The following BMP2K variants were observed in gnomAD, a reference collection of about 807,000 sequenced individuals.
BMP2K encodes the protein BMP2 inducible kinase, also known as BMP-2-inducible protein kinase.
BMP2K carries 74 observed loss-of-function variants against 116.0 expected under a neutral mutation model. That is an observed-to-expected ratio of 0.64 (90% CI 0.53 to 0.77). The LOEUF (loss-of-function observed/expected upper bound fraction) is 0.77. Ranked by LOEUF, BMP2K falls within the 30% of genes least tolerant of loss-of-function variation. BMP2K has a pLI of 0.00. For synonymous variants in BMP2K, 486 were observed against 502.5 expected (o/e 0.97, Z 0.44); for missense variants, 1,365 against 1,403.6 (o/e 0.97, Z 0.44).
At position 78,830,725 on chromosome 4, in the gene BMP2K, C is replaced by T. The variant is rs185088464; in HGVS notation, c.298-2857C>T. The stretch of plus-strand genomic sequence containing the variant: ...CTTTCCTTAAACCTCATGAACCAAC[C>T]TCTGCTAGCTTCAAACTATTCTACT... On this transcript the variant is annotated intron_variant, in intron 2 of 15. Transcript: ENST00000502613. Among the ~76,000 whole-genome samples, 8 of 152,332 alleles carry T rather than the reference C, an allele frequency of 5.3e-5. No homozygotes were observed. The East Asian group carries it at 1.5e-3, about 29-fold the overall frequency.
At chr4:78,834,086 A>G (rs1385422160) in intron 3 of BMP2K, among the ~76,000 whole-genome samples, 3 of 151,962 alleles carry the variant, frequency 2.0e-5, no homozygotes, top group Non-Finnish European at 4.4e-5. Flanking sequence ...TGGAGGATGC[A>G]TTTTGATCTA....
chr4:78,796,778 A>G (rs548470986), intron 1 of BMP2K, among the ~76,000 whole-genome samples: 45 of 152,290 alleles, frequency 3.0e-4, no homozygotes, highest in African/African-American at 1.0e-3. Flanking sequence ...GTATTTATGA[A>G]TGGAGGAGTT....
intron 1 of BMP2K, among the ~76,000 whole-genome samples, chr4:78,825,312 G>A (rs1258311230): frequency 6.6e-6 from 1 of 152,194 alleles, no homozygotes; most frequent in East Asian, 1.9e-4. Flanking sequence ...TTCCAGAGTT[G>A]GCTGATTCAG....
chr4:78,836,959 G>C (rs944148452), intron 3 of BMP2K, among the ~76,000 whole-genome samples: 1 of 152,054 alleles, frequency 6.6e-6, no homozygotes, highest in Non-Finnish European at 1.5e-5. Context: ...GTGCCTTACT[G>C]TGTGTCATTT....
intron 1 of BMP2K, among the ~76,000 whole-genome samples, chr4:78,804,687 G>A (rs1054685651): frequency 6.7e-6 from 1 of 149,866 alleles, no homozygotes; most frequent in Non-Finnish European, 1.5e-5. Context: ...GACTGATGTT[G>A]AGCATCTTTT....
At chr4:78,839,895 G>A (rs945375372) in intron 3 of BMP2K, among the ~76,000 whole-genome samples, 2 of 152,074 alleles carry the variant, frequency 1.3e-5, no homozygotes, top group African/African-American at 2.4e-5. Context: ...TTAAGGGTGG[G>A]TCTGCCTTTC....
intron 1 of BMP2K, among the ~76,000 whole-genome samples, chr4:78,804,037 T>G (rs1418745892): frequency 6.6e-6 from 1 of 152,238 alleles, no homozygotes; most frequent in East Asian, 1.9e-4. Context: ...GTATTTACTT[T>G]GTTGTGAAAC....
intron 1 of BMP2K, among the ~76,000 whole-genome samples, chr4:78,786,046 A>G (rs560508791): frequency 6.6e-6 from 1 of 152,138 alleles, no homozygotes; most frequent in African/African-American, 2.4e-5. Context: ...CCCTACTTAT[A>G]TTACACTGAT....
chr4:78,776,594 A>C lies in BMP2K; in HGVS notation c.51A>C (p.Gly17=), dbSNP rs1309604923. 2 of 1,170,514 alleles carry C rather than the reference A, an allele frequency of 1.7e-6. No homozygotes were observed. Among genetic ancestry groups the C allele is most frequent in the Middle Eastern group, 3.4e-4 (1 of 2,966 alleles). The allele number at this position is 1,170,514 out of a possible 1,614,324, so 72.5% of individuals were successfully genotyped here. ...AGTCGGAGGGCGGCAGCGGCGGCGG[A>C]GCGGCGGGTGGCGGGGCTGGCGGGG... The part of the protein sequence containing the change: ...MPKSEGGSGG[G]AAGGGAGGAG... The change falls in exon 1 of 16, where the codon GGA becomes GGC. Residue 17 remains glycine, a synonymous_variant. Coordinates refer to ENST00000502613, the MANE Select transcript of BMP2K (RefSeq NM_198892.2).
At chr4:78,879,053 T>G in intron 14 of BMP2K, 162 bp downstream of exon 14, 1 of 1,396,676 alleles carries the variant, frequency 7.2e-7, no homozygotes, top group Admixed American at 3.6e-5. Context: ...TCAAATTATG[T>G]TGTGTGCATT....
intron 8 of BMP2K, chr4:78,860,033 TAG>T: frequency 3.9e-6 from 2 of 513,164 alleles, no homozygotes; most frequent in South Asian, 1.5e-5. Context: ...TTTTTTTTCT[TAG>T]AAGTGTTGTA....
chr4:78,870,686 G>A (rs62310843), intron 10 of BMP2K, 97 bp from the exon 11 acceptor site: 75,353 of 1,432,284 alleles, frequency 0.053, 3,027 homozygotes, highest in East Asian at 0.23. Flanking sequence ...GGATATAAAT[G>A]CCTTAGTTAA....
rs202184856 is a variant in BMP2K, at chr4:78,871,006, GCAGCACCAC to G, written c.1458_1466del (p.Gln486_His488del). ...AACAGCAGCAGCAGCAGCAGCAGCA[GCAGCACCAC>G]CACCACCACCACCACCACCTACTTC... On this transcript the variant is annotated inframe_deletion, in exon 11 of 16. Transcript: ENST00000502613. The G allele has an allele frequency of 7.0e-6, 11 of 1,573,488 alleles. No individual in the cohort carries two copies. The highest frequency in any genetic ancestry group is 5.1e-5 in the Admixed American group (3 of 59,188).
At chr4:78,791,643 A>C (rs1728005822) in intron 1 of BMP2K, among the ~76,000 whole-genome samples, 1 of 152,178 alleles carries the variant, frequency 6.6e-6, no homozygotes, top group Admixed American at 6.5e-5. Context: ...ACCATGATTT[A>C]CTTTCCATTT....
intron 1 of BMP2K, among the ~76,000 whole-genome samples, chr4:78,782,432 A>G (rs1320588309): frequency 1.3e-5 from 2 of 152,186 alleles, no homozygotes; most frequent in Admixed American, 1.3e-4. Context: ...CTACTTCTCA[A>G]AGGAAATGGT....
At chr4:78,851,422 A>G (rs1246727071) in intron 7 of BMP2K, among the ~76,000 whole-genome samples, 3 of 152,056 alleles carry the variant, frequency 2.0e-5, no homozygotes, top group African/African-American at 7.2e-5. Flanking sequence ...AACTTTTTAT[A>G]TATCTACAAG....
At chr4:78,825,493 G>T (rs1729825590) in intron 1 of BMP2K, among the ~76,000 whole-genome samples, 1 of 152,176 alleles carries the variant, frequency 6.6e-6, no homozygotes, top group South Asian at 2.1e-4. Flanking sequence ...TGCAACTCGG[G>T]CTGACTTTAC....
At position 78,865,613 on chromosome 4, in the gene BMP2K, A is replaced by C. The variant is rs1424925203; in HGVS notation, c.1124A>C (p.Lys375Thr). The change falls in exon 10 of 16, where the codon AAG becomes ACG. Residue 375 changes from lysine to threonine, a missense_variant. Coordinates refer to ENST00000502613, the MANE Select transcript of BMP2K (RefSeq NM_198892.2). ...ETSIAPRQRP[K>T]ANSATTATPS... ...TCAATTGCACCAAGACAAAGACCAA[A>C]GGCCAACTCTGCTACTACTGCCACT... The C allele has an allele frequency of 2.5e-6, 4 of 1,614,024 alleles. No homozygotes were observed. The highest frequency in any genetic ancestry group is 3.4e-6 in the Non-Finnish European group (4 of 1,180,000).
chr4:78,870,610 G>A (rs1425416402), intron 10 of BMP2K, among the ~76,000 whole-genome samples, 173 bp from the exon 11 acceptor site: 1 of 152,010 alleles, frequency 6.6e-6, no homozygotes, highest in African/African-American at 2.4e-5. Context: ...AAGCTTCTTC[G>A]GTACTTACAA....
Sources: allele counts gnomAD v4.1 joint callset (sites outside exome capture counted in the v4.1 genomes callset), GRCh38; gene constraint gnomAD v4.1.1; transcripts MANE v1.5; gene names NCBI Gene and HGNC (gene_info 2026-07-23, HGNC 2026-07-21).